Variants in JAK2 observed in about 807,000 individuals in gnomAD.
JAK2 encodes the protein Janus kinase 2.
Under a neutral mutation model 139.3 loss-of-function variants are expected in JAK2, and 86 were observed. The observed-to-expected ratio is 0.62, with a 90% CI of 0.52 to 0.74. The LOEUF (loss-of-function observed/expected upper bound fraction) is 0.74, where lower values mean the gene tolerates loss of function less well. JAK2 is among the 30% of genes least tolerant of loss of function. The probability of loss-of-function intolerance (pLI) is 0.00; values close to 1 mark genes in which losing one functional copy is unlikely to be tolerated. For synonymous variants in JAK2, 490 were observed against 437.7 expected (o/e 1.12, Z -1.49); for missense variants, 1,421 against 1,360.3 (o/e 1.04, Z -0.70).
chr9:4,988,154 C>T (rs1341005656), intron 2 of JAK2, among the ~76,000 whole-genome samples: 1 of 152,164 alleles, frequency 6.6e-6, no homozygotes, highest in African/African-American at 2.4e-5. Context: ...TTACATTTCC[C>T]ACCCTTCCCC....
intron 2 of JAK2, among the ~76,000 whole-genome samples, chr9:5,005,495 G>A (rs1397750877): frequency 1.3e-5 from 2 of 152,096 alleles, no homozygotes; most frequent in African/African-American, 2.4e-5. Flanking sequence ...TGTTAACTTT[G>A]CACTCCTGGG....
chr9:5,060,442 C>T (rs1211937126), intron 8 of JAK2, among the ~76,000 whole-genome samples: 1 of 152,144 alleles, frequency 6.6e-6, no homozygotes, highest in Non-Finnish European at 1.5e-5. Context: ...GCTTTATGTA[C>T]TAAACTTTAT....
chr9:5,009,543 G>A (rs908494531), intron 2 of JAK2, among the ~76,000 whole-genome samples: 1 of 151,834 alleles, frequency 6.6e-6, no homozygotes, highest in African/African-American at 2.4e-5. Context: ...AGAATACCGA[G>A]AAAGATTTTA....
At chr9:5,064,132 G>T (rs988507784) in intron 8 of JAK2, among the ~76,000 whole-genome samples, 1 of 152,080 alleles carries the variant, frequency 6.6e-6, no homozygotes, top group Non-Finnish European at 1.5e-5. Flanking sequence ...CTCCAGCCTG[G>T]GCGACAGAGC....
Position 5,004,878 on chromosome 9 carries a change from G to C in JAK2, c.-25-17085G>C, listed in dbSNP as rs974128233. ...GTTTTAATTTGCATTTAGTGATGTT[G>C]AACGTTTTTTCATGAACATGTTGGC... On this transcript the variant is annotated intron_variant, in intron 2 of 24. Transcript: ENST00000381652. Among the ~76,000 whole-genome samples the C allele has an allele frequency of 6.7e-5, 10 of 150,078 alleles. No homozygotes were observed. In the East Asian group the frequency reaches 1.6e-3, roughly 23 times the overall value.
At chr9:5,075,487 T>C (rs1819248947) in intron 14 of JAK2, among the ~76,000 whole-genome samples, 1 of 152,200 alleles carries the variant, frequency 6.6e-6, no homozygotes, top group South Asian at 2.1e-4. Context: ...CCCAGGGCTC[T>C]GCGAATTATG....
At chr9:5,085,844 A>G in intron 19 of JAK2, 1 of 765,650 alleles carries the variant, frequency 1.3e-6, no homozygotes, top group Non-Finnish European at 2.4e-6. Flanking sequence ...CTTTTACATC[A>G]AAGTAGTACT....
At chr9:5,080,503 T>G in intron 17 of JAK2, 30 bp from the exon 18 acceptor site, 1 of 1,563,950 alleles carries the variant, frequency 6.4e-7, no homozygotes. Context: ...TTACACAATT[T>G]ATTCTCAGTT....
At chr9:5,094,746 G>A (rs1342861694) in intron 22 of JAK2, 2 of 152,078 alleles carry the variant, frequency 1.3e-5, no homozygotes, top group African/African-American at 4.8e-5. Flanking sequence ...CTTCTTTATA[G>A]CAGAATATAT....
chr9:5,042,647 C>T (rs1394511776), intron 4 of JAK2, among the ~76,000 whole-genome samples: 2 of 152,180 alleles, frequency 1.3e-5, no homozygotes, highest in African/African-American at 4.8e-5. Flanking sequence ...AGCTTGTCTC[C>T]CTCATCCAAA....
intron 6 of JAK2, among the ~76,000 whole-genome samples, chr9:5,053,930 T>G (rs1441183873): frequency 6.6e-6 from 1 of 152,006 alleles, no homozygotes; most frequent in Non-Finnish European, 1.5e-5. Context: ...TTAATGGTAC[T>G]TCAGAAATAA....
chr9:5,087,384 C>G (rs1820209418), intron 19 of JAK2, among the ~76,000 whole-genome samples: 1 of 152,172 alleles, frequency 6.6e-6, no homozygotes, highest in Non-Finnish European at 1.5e-5. Context: ...GATTCAGTTG[C>G]CTCCCACCAG....
chr9:5,119,257 G>A (rs1823435006), intron 22 of JAK2, among the ~76,000 whole-genome samples: 1 of 151,968 alleles, frequency 6.6e-6, no homozygotes, highest in Non-Finnish European at 1.5e-5. Flanking sequence ...AATAATATGT[G>A]ATTTTTTTAA....
intron 3 of JAK2, among the ~76,000 whole-genome samples, chr9:5,024,263 A>C (rs1484086949): frequency 6.6e-6 from 1 of 152,144 alleles, no homozygotes; most frequent in Non-Finnish European, 1.5e-5. Context: ...CTCAAAAAAA[A>C]ATTTTTTTTT....
At chr9:5,104,419 T>G (rs199597011) in intron 22 of JAK2, among the ~76,000 whole-genome samples, 1 of 152,066 alleles carries the variant, frequency 6.6e-6, no homozygotes, top group Non-Finnish European at 1.5e-5. Flanking sequence ...GAGGCAATAA[T>G]AGCCTACCAA....
chr9:5,091,809 G>A (rs1820594353), intron 22 of JAK2, among the ~76,000 whole-genome samples: 1 of 152,140 alleles, frequency 6.6e-6, no homozygotes, highest in Admixed American at 6.5e-5. Flanking sequence ...CTAGTATACT[G>A]GAGAAGTTAA....
At chr9:5,055,527 A>T in intron 7 of JAK2, 142 bp from the exon 8 acceptor site, 1 of 586,942 alleles carries the variant, frequency 1.7e-6, no homozygotes, top group Non-Finnish European at 2.8e-6. Flanking sequence ...TGATAGAGTA[A>T]ATCACGTTTA....
In JAK2 at chr9:5,022,038, T is replaced by C; in HGVS notation, c.51T>C (p.Ser17=). ...CAGAAATGGAGGGAACATCCACCTC[T>C]TCTATATATCAGAATGGTGATATTT... ...TMTEMEGTST[S]SIYQNGDISG... The change falls in exon 3 of 25, where the codon TCT becomes TCC. Residue 17 remains serine (S), a synonymous_variant. Coordinates refer to ENST00000381652, the MANE Select transcript of JAK2 (RefSeq NM_004972.4). 4 of 1,614,204 alleles carry C rather than the reference T, an allele frequency of 2.5e-6. No individual in the cohort carries two copies. The highest frequency in any genetic ancestry group is 3.4e-6 in the Non-Finnish European group (4 of 1,179,998).
chr9:5,048,095 C>A (rs1433380052), intron 5 of JAK2, among the ~76,000 whole-genome samples: 6 of 152,040 alleles, frequency 3.9e-5, no homozygotes, highest in Admixed American at 3.3e-4. Flanking sequence ...TCATGACTTC[C>A]ATAGAATTTC....
Sources: allele counts gnomAD v4.1 joint callset (sites outside exome capture counted in the v4.1 genomes callset), GRCh38; gene constraint gnomAD v4.1.1; transcripts MANE v1.5; gene names NCBI Gene and HGNC (gene_info 2026-07-23, HGNC 2026-07-21).